NEDD4: variants seen among roughly 807,000 people sequenced by gnomAD.
NEDD4 encodes NEDD4 E3 ubiquitin protein ligase.
Under a neutral mutation model 144.9 loss-of-function variants are expected in NEDD4, and 99 were observed. The ratio of observed to expected loss-of-function variants is 0.68; its 90% CI spans 0.58 to 0.81. NEDD4 has a LOEUF of 0.81. Ranked by LOEUF, NEDD4 falls within the 30% of genes least tolerant of loss-of-function variation. The probability of loss-of-function intolerance (pLI) is 0.00; values close to 1 mark genes in which losing one functional copy is unlikely to be tolerated. For missense variants in NEDD4, 985 were observed against 1,065.9 expected, an observed-to-expected ratio of 0.92 and a Z score of 1.06; for synonymous variants, 318 against 350.6, an observed-to-expected ratio of 0.91 and a Z score of 1.04.
chr15:55,971,125 A>C (rs1466410748), intron 1 of NEDD4, among the ~76,000 whole-genome samples: 2 of 152,212 alleles, frequency 1.3e-5, no homozygotes, highest in African/African-American at 4.8e-5. Flanking sequence ...AATCAAGCAG[A>C]ATTCTGAAGT....
intron 18 of NEDD4, among the ~76,000 whole-genome samples, chr15:55,844,119 A>C (rs1199773702): frequency 1.3e-5 from 2 of 152,150 alleles, no homozygotes; most frequent in Non-Finnish European, 2.9e-5. Flanking sequence ...AAGGGAGGGA[A>C]GGACGGAGGA....
intron 5 of NEDD4, among the ~76,000 whole-genome samples, chr15:55,923,309 A>T (rs960338904): frequency 6.6e-6 from 1 of 152,240 alleles, no homozygotes; most frequent in African/African-American, 2.4e-5. Flanking sequence ...GTAACTAACC[A>T]TATCTGATAA....
intron 1 of NEDD4, among the ~76,000 whole-genome samples, chr15:55,982,834 TTCTAGGGCTGG>T (rs2037825609): frequency 1.3e-5 from 2 of 151,968 alleles, no homozygotes. Flanking sequence ...GTAAAATAAA[TTCTAGGGCTGG>T]GGGTGGTGGC....
chr15:55,876,400 T>C (rs1316342332), intron 5 of NEDD4, among the ~76,000 whole-genome samples: 1 of 150,998 alleles, frequency 6.6e-6, no homozygotes, highest in African/African-American at 2.4e-5. Flanking sequence ...AACAAATTGT[T>C]GTATACAAAA....
At chr15:55,961,624 C>T (rs1223496330) in intron 2 of NEDD4, among the ~76,000 whole-genome samples, 1 of 152,112 alleles carries the variant, frequency 6.6e-6, no homozygotes, top group African/African-American at 2.4e-5. Flanking sequence ...GAGCCCACCA[C>T]CACACCCGGA....
intron 26 of NEDD4, among the ~76,000 whole-genome samples, chr15:55,833,642 C>G (rs888530959): frequency 6.6e-6 from 1 of 152,146 alleles, no homozygotes; most frequent in East Asian, 1.9e-4. Flanking sequence ...GCCTGGGAGA[C>G]AGAGCGAGAC....
At chr15:55,865,053 C>T (rs2034538017) in intron 8 of NEDD4, among the ~76,000 whole-genome samples, 1 of 151,880 alleles carries the variant, frequency 6.6e-6, no homozygotes, top group African/African-American at 2.4e-5. Context: ...CAAAAATTAG[C>T]CGGGCATGGT....
intron 5 of NEDD4, among the ~76,000 whole-genome samples, chr15:55,908,067 C>T (rs1195091871): frequency 2.0e-5 from 3 of 152,204 alleles, no homozygotes; most frequent in South Asian, 2.1e-4. Context: ...TCATCACAGT[C>T]ATCACTCAAA....
Position 55,933,007 on chromosome 15 carries a change from G to A in NEDD4, c.238-8308C>T, listed in dbSNP as rs556360737. Among the ~76,000 whole-genome samples the A allele has an allele frequency of 3.9e-5, 6 of 152,262 alleles. No homozygotes were observed. The South Asian group carries it at 6.2e-4, about 16-fold the overall frequency. ...ACCATCTCACACCAGTTAGAATGGC[G>A]ATCATTAAAAAGTCAAGAAACAACA... On this transcript the variant is annotated intron_variant, in intron 4 of 28. Transcript: ENST00000435532.
chr15:55,993,457 G>C lies in NEDD4; in HGVS notation c.45+54C>G, dbSNP rs2038021854. On this transcript the variant is annotated intron_variant, in intron 1 of 28. Transcript: ENST00000435532. ...CCGCCGCCGCTACCTCCCCGGGTCC[G>C]GCTGCTGAATAACCCGAAGGGAAGC... 3 of 1,579,536 alleles carry C rather than the reference G, an allele frequency of 1.9e-6. No homozygotes were observed. In the East Asian group the frequency reaches 7.4e-5, roughly 39 times the overall value.
At chr15:55,839,983 AAAAAAAAAAAAAAAAAATATAT>A (rs1376528506) in intron 21 of NEDD4, among the ~76,000 whole-genome samples, 9 of 46,186 alleles carry the variant, frequency 1.9e-4, no homozygotes, top group African/African-American at 7.9e-4. Flanking sequence ...CAAAAAAAAA[AAAAAAAAAAAAAAAAAATATAT>A]ATATATATAT....
chr15:55,865,769 T>C (rs180755642), intron 8 of NEDD4, among the ~76,000 whole-genome samples: 4 of 150,838 alleles, frequency 2.7e-5, no homozygotes, highest in Non-Finnish European at 4.4e-5. Context: ...GGGAAAAGAG[T>C]TGGGAAGGAA....
intron 5 of NEDD4, among the ~76,000 whole-genome samples, chr15:55,896,222 C>A (rs982110476): frequency 3.3e-5 from 5 of 152,178 alleles, no homozygotes; most frequent in African/African-American, 1.2e-4. Flanking sequence ...CACTCTGTTG[C>A]CCAGGCTGGA....
At chr15:55,937,618 G>A (rs2036918289) in intron 4 of NEDD4, among the ~76,000 whole-genome samples, 1 of 152,102 alleles carries the variant, frequency 6.6e-6, no homozygotes, top group Admixed American at 6.5e-5. Flanking sequence ...AAAAAATAAG[G>A]AAATGGCAGT....
At chr15:55,919,995 G>A (rs1055216976) in intron 5 of NEDD4, among the ~76,000 whole-genome samples, 1 of 152,150 alleles carries the variant, frequency 6.6e-6, no homozygotes, top group Non-Finnish European at 1.5e-5. Flanking sequence ...ACTCTGAGTA[G>A]AGCACATTAC....
intron 4 of NEDD4, among the ~76,000 whole-genome samples, chr15:55,925,875 T>A (rs2036652183): frequency 6.6e-6 from 1 of 152,110 alleles, no homozygotes; most frequent in Non-Finnish European, 1.5e-5. Context: ...TAAAGTATAC[T>A]AATGTTGGGA....
chr15:55,860,558 C>T lies in NEDD4; in HGVS notation c.809G>A (p.Arg270Lys), dbSNP rs745633810. Residue 270 changes from arginine to lysine, a missense_variant, in exon 11 of 29, where the codon AGA (arginine) becomes AAA (lysine). Transcript: ENST00000435532. ...RESSENWEII[R>K]EDEATMYSNQ... Reference sequence around the variant, plus strand: ...GCTATACATGGTGGCTTCATCTTCTCTTATAATTTCCCAGTTCTAAAATGA... The same window carrying T: ...GCTATACATGGTGGCTTCATCTTCTTTTATAATTTCCCAGTTCTAAAATGA... The T allele has an allele frequency of 5.6e-6, 9 of 1,613,874 alleles. No individual in the cohort carries two copies. The highest frequency in any genetic ancestry group is 1.7e-5 in the Admixed American group (1 of 59,982).
At chr15:55,847,811 G>T (rs2033811152) in intron 17 of NEDD4, among the ~76,000 whole-genome samples, 1 of 151,632 alleles carries the variant, frequency 6.6e-6, no homozygotes, top group Non-Finnish European at 1.5e-5. Flanking sequence ...CAAGTAGCTG[G>T]GACTACAGGT....
intron 1 of NEDD4, among the ~76,000 whole-genome samples, chr15:55,973,016 GACT>G (rs1173055754): frequency 6.6e-6 from 1 of 152,178 alleles, no homozygotes; most frequent in Non-Finnish European, 1.5e-5. Flanking sequence ...GAGTCAGCTA[GACT>G]TCAATATAGT....
Sources: gnomAD v4.1 joint callset for allele counts (sites outside exome capture counted in the v4.1 genomes callset) on GRCh38, gnomAD v4.1.1 for gene constraint, MANE v1.5 for transcripts, NCBI Gene and HGNC (gene_info 2026-07-23, HGNC 2026-07-21) for gene names.